Variants in MKLN1 observed in about 807,000 individuals in gnomAD.
MKLN1 encodes the protein muskelin.
In MKLN1, 18 loss-of-function variants were observed where a neutral mutation model predicts 99.0. The observed-to-expected ratio is 0.18, with a 90% confidence interval of 0.13 to 0.27. The LOEUF is 0.27. MKLN1 is among the 10% of genes least tolerant of loss of function. MKLN1 has a pLI of 1.00. For missense variants in MKLN1, 621 were observed against 875.9 expected (o/e 0.71, Z 3.67); for synonymous variants, 288 against 293.2 (o/e 0.98, Z 0.18).
intron 1 of MKLN1, among the ~76,000 whole-genome samples, chr7:131,141,083 C>T (rs1795725727): frequency 6.6e-6 from 1 of 152,132 alleles, no homozygotes; most frequent in Non-Finnish European, 1.5e-5. Flanking sequence ...TGTACCTGGC[C>T]TACACCATCC....
chr7:131,466,904 T>TACATATACAC (rs1554371917), intron 15 of MKLN1, among the ~76,000 whole-genome samples: 2 of 150,678 alleles, frequency 1.3e-5, no homozygotes, highest in African/African-American at 4.9e-5. Flanking sequence ...TATATACATA[T>TACATATACAC]ACACACACAC....
chr7:131,357,979 G>A (rs368190732), intron 1 of MKLN1, among the ~76,000 whole-genome samples: 1 of 152,102 alleles, frequency 6.6e-6, no homozygotes, highest in Non-Finnish European at 1.5e-5. Flanking sequence ...AGTTCTTTGG[G>A]ATTTTCTGTA....
At chr7:131,388,629 G>A (rs1218755444) in intron 3 of MKLN1, among the ~76,000 whole-genome samples, 4 of 152,124 alleles carry the variant, frequency 2.6e-5, no homozygotes, top group African/African-American at 4.8e-5. Context: ...TTTAAACACC[G>A]TAGCTACATT....
At chr7:131,401,018 A>G (rs1794528821) in intron 6 of MKLN1, among the ~76,000 whole-genome samples, 1 of 152,114 alleles carries the variant, frequency 6.6e-6, no homozygotes, top group African/African-American at 2.4e-5. Flanking sequence ...TGTTGGACAA[A>G]TAAGGAAGTA....
intron 1 of MKLN1, among the ~76,000 whole-genome samples, chr7:131,138,099 AT>A (rs1350670380): frequency 4.0e-5 from 6 of 151,386 alleles, no homozygotes; most frequent in Admixed American, 2.0e-4. Context: ...CTAATTTTGT[AT>A]TTTTAGTAGA....
At chr7:131,275,557 A>ATTTTG (rs1423545480) in intron 3 of MKLN1, among the ~76,000 whole-genome samples, 1 of 15,666 alleles carries the variant, frequency 6.4e-5, no homozygotes, top group African/African-American at 3.1e-4. Context: ...ATATATATAT[A>ATTTTG]TATATATATA....
At chr7:131,473,341 C>G (rs941038625) in intron 16 of MKLN1, among the ~76,000 whole-genome samples, 2 of 151,832 alleles carry the variant, frequency 1.3e-5, no homozygotes, top group Non-Finnish European at 2.9e-5. Flanking sequence ...ATTTAAGTCT[C>G]AAAACACAAA....
chr7:131,483,942 T>C (rs1175377289), intron 17 of MKLN1, among the ~76,000 whole-genome samples: 1 of 152,224 alleles, frequency 6.6e-6, no homozygotes, highest in African/African-American at 2.4e-5. Context: ...CTGTAAATGA[T>C]CAAGATCAAC....
rs561190175 is a variant in MKLN1, at chr7:131,369,015, C to T, written c.99-6409C>T. Among the ~76,000 whole-genome samples, 49 of 152,098 alleles carry T rather than the reference C, an allele frequency of 3.2e-4. 1 individual carries two copies. In the East Asian group the frequency reaches 8.3e-3, roughly 26 times the overall value. On this transcript the variant is annotated intron_variant, in intron 1 of 17. Coordinates refer to ENST00000352689, the MANE Select transcript of MKLN1 (RefSeq NM_013255.5). ...ATCTGTATAATCACACACACACACA[C>T]ACACACACATATCTGTATATAACAG... is the stretch of plus-strand genomic sequence containing the variant.
rs1795909885 is a variant in MKLN1, at chr7:131,443,636, G to C, written c.1329G>C (p.Glu443Asp). The C allele has an allele frequency of 6.2e-7, 1 of 1,614,142 alleles. No homozygotes were observed. Among genetic ancestry groups the C allele is most frequent in the Non-Finnish European group, 8.5e-7 (1 of 1,179,998 alleles). Residue 443 changes from glutamate to aspartate, a missense_variant, in exon 11 of 18, where the codon GAG becomes GAC. Coordinates refer to ENST00000352689, the MANE Select transcript of MKLN1 (RefSeq NM_013255.5). ...CQCQTWKLLR[E>D]DSCNAGPEDI... ...GTCAAACCTGGAAACTTCTTCGAGA[G>C]GACTCCTGTAATGCTGGGCCTGAGG...
At chr7:131,437,190 C>T (rs918953679) in intron 9 of MKLN1, among the ~76,000 whole-genome samples, 1 of 152,044 alleles carries the variant, frequency 6.6e-6, no homozygotes, top group Non-Finnish European at 1.5e-5. Flanking sequence ...TCATCATTTA[C>T]ATTAGGTATT....
chr7:131,206,534 AATT>A (rs559998648), intron 3 of MKLN1, among the ~76,000 whole-genome samples: 3 of 148,348 alleles, frequency 2.0e-5, no homozygotes, highest in Non-Finnish European at 3.0e-5. Context: ...GTATGTGTAT[AATT>A]ATTATTATTA....
At chr7:131,469,739 G>A (rs747263124) in intron 15 of MKLN1, among the ~76,000 whole-genome samples, 14 of 152,126 alleles carry the variant, frequency 9.2e-5, no homozygotes, top group Non-Finnish European at 1.3e-4. Context: ...GTATACCAAC[G>A]TATTAGAAAT....
chr7:131,147,157 T>G (rs961191844), intron 2 of MKLN1, among the ~76,000 whole-genome samples: 3 of 151,918 alleles, frequency 2.0e-5, no homozygotes, highest in African/African-American at 7.3e-5. Context: ...GTTCAAGCGA[T>G]TCTTCTCCCT....
At chr7:131,365,645 C>G (rs1011999707) in intron 1 of MKLN1, among the ~76,000 whole-genome samples, 3 of 152,136 alleles carry the variant, frequency 2.0e-5, no homozygotes, top group East Asian at 3.9e-4. Context: ...GGAGTCCAGC[C>G]TCGATCTTTT....
chr7:131,211,171 T>A (rs949761515), intron 3 of MKLN1, among the ~76,000 whole-genome samples: 2 of 152,162 alleles, frequency 1.3e-5, no homozygotes, highest in Non-Finnish European at 2.9e-5. Context: ...TAGCACACTT[T>A]CTGGTTGCTG....
intron 1 of MKLN1, among the ~76,000 whole-genome samples, chr7:131,129,768 G>T (rs1795520693): frequency 1.3e-5 from 2 of 152,082 alleles, no homozygotes; most frequent in South Asian, 4.1e-4. Context: ...TAGAGACGAG[G>T]TCTTGCTATG....
At chr7:131,185,243 C>T (rs938242526) in intron 2 of MKLN1, among the ~76,000 whole-genome samples, 2 of 152,056 alleles carry the variant, frequency 1.3e-5, no homozygotes, top group African/African-American at 2.4e-5. Context: ...TGACTGGTAC[C>T]ACTGGACAAC....
intron 2 of MKLN1, among the ~76,000 whole-genome samples, chr7:131,172,397 G>C (rs182780596): frequency 6.6e-6 from 1 of 151,854 alleles, no homozygotes; most frequent in African/African-American, 2.4e-5. Context: ...CTCACTGGAA[G>C]CTCCACCTTC....
Sources: allele counts gnomAD v4.1 joint callset (sites outside exome capture counted in the v4.1 genomes callset), GRCh38; gene constraint gnomAD v4.1.1; transcripts MANE v1.5; gene names NCBI Gene and HGNC (gene_info 2026-07-23, HGNC 2026-07-21).